ROBO2: variants seen among roughly 807,000 people sequenced by gnomAD.
ROBO2 encodes the protein roundabout homolog 2.
A neutral mutation model predicts 160.8 loss-of-function variants in ROBO2; 53 were observed. The ratio of observed to expected loss-of-function variants is 0.33; its 90% CI spans 0.26 to 0.41. The LOEUF is 0.41. Ranked by LOEUF, ROBO2 falls within the 10% of genes least tolerant of loss-of-function variation. The pLI is 1.00. For missense variants in ROBO2, 1,577 were observed against 1,722.4 expected, an observed-to-expected ratio of 0.92 and a Z score of 1.49; for synonymous variants, 664 against 611.7, an observed-to-expected ratio of 1.09 and a Z score of -1.26.
chr3:76,964,519 G>C (rs535607828), intron 2 of ROBO2, among the ~76,000 whole-genome samples: 2 of 151,740 alleles, frequency 1.3e-5, no homozygotes, highest in Non-Finnish European at 2.9e-5. Context: ...ATTTTTTGTA[G>C]TTTTTAGTAG....
chr3:77,472,786 A>T (rs533820113), intron 2 of ROBO2, among the ~76,000 whole-genome samples: 1 of 152,298 alleles, frequency 6.6e-6, no homozygotes, highest in Non-Finnish European at 1.5e-5. Context: ...ACTGGGTACA[A>T]TGTACACCTG....
At chr3:77,391,579 G>C (rs1257051613) in intron 2 of ROBO2, among the ~76,000 whole-genome samples, 1 of 152,004 alleles carries the variant, frequency 6.6e-6, no homozygotes, top group Non-Finnish European at 1.5e-5. Context: ...GCAAAGACCT[G>C]CCCCCATGAT....
intron 2 of ROBO2, among the ~76,000 whole-genome samples, chr3:76,802,706 C>G (rs1422689691): frequency 2.1e-5 from 3 of 140,454 alleles, no homozygotes; most frequent in Non-Finnish European, 4.6e-5. Context: ...CCAGCCTGGG[C>G]GACAGAGCGA....
chr3:76,477,572 C>T (rs946338251), intron 2 of ROBO2, among the ~76,000 whole-genome samples: 1 of 152,122 alleles, frequency 6.6e-6, no homozygotes, highest in Non-Finnish European at 1.5e-5. Flanking sequence ...TCTAGTTTCT[C>T]TGACAAGTTA....
At chr3:76,041,774 T>A (rs541425253) in intron 2 of ROBO2, among the ~76,000 whole-genome samples, 102 of 152,136 alleles carry the variant, frequency 6.7e-4, no homozygotes, top group Admixed American at 1.8e-3. Context: ...TAATTATTGC[T>A]TATGACATTT....
intron 2 of ROBO2, among the ~76,000 whole-genome samples, chr3:77,211,542 G>A (rs187924561): frequency 6.6e-6 from 1 of 152,042 alleles, no homozygotes; most frequent in East Asian, 1.9e-4. Flanking sequence ...CACTCTGATG[G>A]TAGTTCCTTT....
chr3:76,120,161 C>G (rs905950081), intron 2 of ROBO2, among the ~76,000 whole-genome samples: 1 of 151,880 alleles, frequency 6.6e-6, no homozygotes, highest in African/African-American at 2.4e-5. Flanking sequence ...ACCACCATGA[C>G]TGGATAATTT....
chr3:77,146,269 T>C (rs751442903), intron 2 of ROBO2, among the ~76,000 whole-genome samples: 7 of 151,982 alleles, frequency 4.6e-5, no homozygotes, highest in Non-Finnish European at 8.8e-5. Flanking sequence ...TGAATTTAAA[T>C]AGACACAGGA....
At chr3:77,389,822 G>A (rs947752688) in intron 2 of ROBO2, among the ~76,000 whole-genome samples, 8 of 151,974 alleles carry the variant, frequency 5.3e-5, no homozygotes, top group African/African-American at 1.9e-4. Flanking sequence ...ATTCATTTAG[G>A]AGTGTGTCTG....
chr3:76,909,768 T>C (rs182682385), intron 2 of ROBO2, among the ~76,000 whole-genome samples: 12 of 152,304 alleles, frequency 7.9e-5, no homozygotes, highest in African/African-American at 2.6e-4. Flanking sequence ...ACAAATTTTA[T>C]TTCGTGTAAA....
intron 2 of ROBO2, among the ~76,000 whole-genome samples, chr3:76,195,459 A>T (rs993803223): frequency 6.6e-6 from 1 of 152,222 alleles, no homozygotes; most frequent in Non-Finnish European, 1.5e-5. Flanking sequence ...AAGAGGTGGG[A>T]TATTGTCAAT....
chr3:76,284,841 G>A (rs914769783), intron 2 of ROBO2, among the ~76,000 whole-genome samples: 3 of 152,118 alleles, frequency 2.0e-5, no homozygotes, highest in African/African-American at 7.2e-5. Context: ...CTGCGATGGT[G>A]TTGTGGTGGT....
chr3:76,074,433 G>A (rs2068575871), intron 2 of ROBO2, among the ~76,000 whole-genome samples: 1 of 152,158 alleles, frequency 6.6e-6, no homozygotes, highest in Non-Finnish European at 1.5e-5. Context: ...TCAGCCAGAC[G>A]ACCAACAAGT....
chr3:77,411,302 T>C (rs2076781211), intron 2 of ROBO2, among the ~76,000 whole-genome samples: 1 of 152,210 alleles, frequency 6.6e-6, no homozygotes, highest in Non-Finnish European at 1.5e-5. Flanking sequence ...GAAACCTTTA[T>C]TGAGGACAAC....
At chr3:76,137,829 TTA>T (rs950672545) in intron 2 of ROBO2, among the ~76,000 whole-genome samples, 2 of 151,762 alleles carry the variant, frequency 1.3e-5, no homozygotes, top group South Asian at 2.1e-4. Flanking sequence ...TTCTTCTGTT[TTA>T]TATATATATA....
At chr3:77,319,717 A>C (rs1017638290) in intron 2 of ROBO2, among the ~76,000 whole-genome samples, 25 of 152,190 alleles carry the variant, frequency 1.6e-4, no homozygotes. Flanking sequence ...ACTTATTCAA[A>C]TGACACTCTG....
intron 5 of ROBO2, among the ~76,000 whole-genome samples, chr3:77,497,134 A>G (rs1422164936): frequency 6.6e-6 from 1 of 152,142 alleles, no homozygotes; most frequent in Non-Finnish European, 1.5e-5. Flanking sequence ...CATTATACAT[A>G]TTAGTGCCAA....
At chr3:77,468,969 A>G (rs533481612) in intron 2 of ROBO2, among the ~76,000 whole-genome samples, 1 of 152,246 alleles carries the variant, frequency 6.6e-6, no homozygotes, top group South Asian at 2.1e-4. Context: ...GAAACCACTT[A>G]TGACTTATGC....
At chr3:76,045,037 A>G (rs2067405796) in intron 2 of ROBO2, among the ~76,000 whole-genome samples, 1 of 152,074 alleles carries the variant, frequency 6.6e-6, no homozygotes, top group Non-Finnish European at 1.5e-5. Flanking sequence ...CAAACCACAC[A>G]TAAGGTCTTT....
Sources: allele counts gnomAD v4.1 joint callset (sites outside exome capture counted in the v4.1 genomes callset), GRCh38; gene constraint gnomAD v4.1.1; transcripts MANE v1.5; gene names NCBI Gene and HGNC (gene_info 2026-07-23, HGNC 2026-07-21).